Variants in GOT2 observed in about 807,000 individuals in gnomAD.
GOT2 encodes glutamic-oxaloacetic transaminase 2.
Under a neutral mutation model 50.0 loss-of-function variants are expected in GOT2, and 17 were observed. That is an observed-to-expected ratio of 0.34 (90% confidence interval 0.23 to 0.51). GOT2 has a LOEUF of 0.51. Ranked by LOEUF, GOT2 falls within the 20% of genes least tolerant of loss-of-function variation. The pLI is 0.97. For synonymous variants in GOT2, 172 were observed against 204.9 expected, an observed-to-expected ratio of 0.84 and a Z score of 1.37; for missense variants, 430 against 559.6, an observed-to-expected ratio of 0.77 and a Z score of 2.34.
At chr16:58,728,429 C>T (rs565123484) in intron 1 of GOT2, among the ~76,000 whole-genome samples, 2 of 152,252 alleles carry the variant, frequency 1.3e-5, no homozygotes, top group Admixed American at 6.5e-5. Context: ...GCCTGATGTT[C>T]GCTAATAGTC....
intron 8 of GOT2, among the ~76,000 whole-genome samples, chr16:58,714,445 G>C (rs2044674420): frequency 6.6e-6 from 1 of 151,484 alleles, no homozygotes. Context: ...CCAGGTACTT[G>C]GGAGGCTGAG....
intron 8 of GOT2, among the ~76,000 whole-genome samples, chr16:58,715,383 A>T (rs760246423): frequency 3.9e-5 from 6 of 152,216 alleles, no homozygotes; most frequent in Non-Finnish European, 8.8e-5. Context: ...ACTGCCTCTT[A>T]CAGAGAAATA....
chr16:58,713,148 CAAAT>C (rs1399492680), intron 8 of GOT2, among the ~76,000 whole-genome samples: 1 of 150,994 alleles, frequency 6.6e-6, no homozygotes, highest in Non-Finnish European at 1.5e-5. Flanking sequence ...AAACAAAAAA[CAAAT>C]AAAGAAAAAA....
At chr16:58,723,644 G>T in intron 2 of GOT2, 102 bp downstream of exon 2, 1 of 943,192 alleles carries the variant, frequency 1.1e-6, no homozygotes, top group Non-Finnish European at 1.6e-6. Context: ...CAGAACTAAA[G>T]CCCAGGGCTC....
intron 9 of GOT2, among the ~76,000 whole-genome samples, chr16:58,708,626 GA>G (rs11348341): frequency 0.66 from 94,910 of 144,022 alleles, 30,486 homozygotes; most frequent in Middle Eastern, 0.81. Context: ...CTCAAAAAAA[GA>G]AAAAAAAAAA....
intron 1 of GOT2, among the ~76,000 whole-genome samples, chr16:58,724,204 C>T (rs573598434): frequency 7.2e-5 from 11 of 151,774 alleles, no homozygotes; most frequent in Non-Finnish European, 1.3e-4. Context: ...CCACCGCACC[C>T]GGCCATATTA....
chr16:58,733,497 A>G (rs972518473), intron 1 of GOT2, among the ~76,000 whole-genome samples: 1 of 152,108 alleles, frequency 6.6e-6, no homozygotes, highest in Non-Finnish European at 1.5e-5. Context: ...AACAAAACAA[A>G]AAAAGAGACA....
intron 8 of GOT2, among the ~76,000 whole-genome samples, chr16:58,712,897 C>T (rs1213299500): frequency 2.0e-5 from 3 of 152,048 alleles, no homozygotes; most frequent in African/African-American, 7.2e-5. Context: ...GTCGGGAGTT[C>T]GAGACCAGCC....
rs1373670427 is a variant in GOT2, at chr16:58,722,162, C to T, written c.363G>A (p.Leu121=). Residue 121 remains leucine (L), a synonymous_variant, in exon 3 of 10, where the codon TTG becomes TTA. Coordinates refer to ENST00000245206, the MANE Select transcript of GOT2 (RefSeq NM_002080.4). Reference sequence around the variant, plus strand: ...CTGCTCAGCTTACCCGGCCACTCTTCAAGACTTCGCTGTTCTCACCCAGGG... The same window carrying T: ...CTGCTCAGCTTACCCGGCCACTCTTTAAGACTTCGCTGTTCTCACCCAGGG... ...ELALGENSEV[L]KSGRFVTVQT... The T allele has an allele frequency of 6.8e-6, 11 of 1,612,054 alleles. No homozygotes were observed. Among genetic ancestry groups the T allele is most frequent in the African/African-American group, 2.7e-5 (2 of 74,860 alleles).
chr16:58,710,967 CAAA>C (rs35679170), intron 8 of GOT2, among the ~76,000 whole-genome samples: 1 of 73,026 alleles, frequency 1.4e-5, no homozygotes, highest in African/African-American at 6.0e-5. Flanking sequence ...GACTCTGTCT[CAAA>C]AAAAAAAAAA....
chr16:58,732,682 C>G (rs2044844679), intron 1 of GOT2, among the ~76,000 whole-genome samples: 1 of 152,140 alleles, frequency 6.6e-6, no homozygotes, highest in Non-Finnish European at 1.5e-5. Flanking sequence ...GAGTCAGACT[C>G]TCAAACTGAA....
rs995601679 is a variant in GOT2, at chr16:58,718,803, T to G, written c.436-115A>C. Reference sequence around the variant, plus strand: ...GCTGAAACCCAGTTTCTCTCTATGGTTGAGAAGCAGTATTGACTCAGCAGT... The same window carrying G: ...GCTGAAACCCAGTTTCTCTCTATGGGTGAGAAGCAGTATTGACTCAGCAGT... On this transcript the variant is annotated intron_variant, in intron 4 of 9. Transcript: ENST00000245206. 7 of 841,594 alleles carry G rather than the reference T, an allele frequency of 8.3e-6. No homozygotes were observed. The East Asian group carries it at 1.9e-4, about 22-fold the overall frequency. 52.1% of individuals were successfully genotyped at this position (841,594 alleles called of 1,614,324 possible).
intron 1 of GOT2, among the ~76,000 whole-genome samples, chr16:58,726,413 T>C (rs2044783832): frequency 6.6e-6 from 1 of 152,182 alleles, no homozygotes; most frequent in Admixed American, 6.5e-5. Flanking sequence ...CTTGAACTCC[T>C]GACCTCATGA....
chr16:58,714,530 C>T (rs1040469076), intron 8 of GOT2, among the ~76,000 whole-genome samples: 7 of 146,004 alleles, frequency 4.8e-5, no homozygotes, highest in South Asian at 2.2e-4. Context: ...CCAGCCTGGG[C>T]GACAGAGCGA....
chr16:58,719,746 C>A lies in GOT2; in HGVS notation c.376-491G>T, dbSNP rs191298642. On this transcript the variant is annotated intron_variant, in intron 3 of 9. Transcript: ENST00000245206. ...TTCTAGCATGGGCAAAAGAGTGAGA[C>A]TCTGTCTCAAAAAAAATAAATAAAT... Among the ~76,000 whole-genome samples, 6 of 152,092 alleles carry A rather than the reference C, an allele frequency of 3.9e-5. No individual in the cohort carries two copies. The East Asian group carries it at 1.2e-3, about 29-fold the overall frequency.
At position 58,714,979 on chromosome 16, in the gene GOT2, T is replaced by C. The variant is rs527324478; in HGVS notation, c.1019+1035A>G. Among the ~76,000 whole-genome samples, 293 of 152,126 alleles carry C rather than the reference T, an allele frequency of 1.9e-3. 1 individual carries two copies. Among genetic ancestry groups the C allele is most frequent in the Middle Eastern group, 0.01 (3 of 294 alleles). On this transcript the variant is annotated intron_variant, in intron 8 of 9. Coordinates refer to ENST00000245206, the MANE Select transcript of GOT2 (RefSeq NM_002080.4). Reference sequence around the variant, plus strand: ...TGCCCAGACTTAAATATATTTCTTATGTGGATTGTGGTCAAAAAAATTTAG... The same window carrying C: ...TGCCCAGACTTAAATATATTTCTTACGTGGATTGTGGTCAAAAAAATTTAG...
chr16:58,722,519 C>G (rs368258494), intron 2 of GOT2, among the ~76,000 whole-genome samples: 239 of 151,910 alleles, frequency 1.6e-3, no homozygotes, highest in African/African-American at 5.5e-3. Context: ...TACAGGCGTG[C>G]ACCACCACGC....
intron 1 of GOT2, among the ~76,000 whole-genome samples, chr16:58,732,057 T>G (rs1330477408): frequency 6.6e-6 from 1 of 152,178 alleles, no homozygotes; most frequent in Admixed American, 6.5e-5. Context: ...TCTGGTCAGG[T>G]GGGGTTGCTT....
intron 1 of GOT2, among the ~76,000 whole-genome samples, chr16:58,724,681 C>A (rs887204471): frequency 6.6e-6 from 1 of 152,090 alleles, no homozygotes. Flanking sequence ...GCTGGGATTA[C>A]AGATGACCGC....
Sources: allele counts gnomAD v4.1 joint callset (sites outside exome capture counted in the v4.1 genomes callset), GRCh38; gene constraint gnomAD v4.1.1; transcripts MANE v1.5; gene names NCBI Gene and HGNC (gene_info 2026-07-23, HGNC 2026-07-21).